Variants in ABCA13 observed in about 807,000 individuals in gnomAD.
The protein encoded by ABCA13 is ATP-binding cassette sub-family A member 13.
In ABCA13, 476 loss-of-function variants were observed where a neutral mutation model predicts 478.7. The ratio of observed to expected loss-of-function variants is 0.99; its 90% CI spans 0.92 to 1.07. The LOEUF is 1.07. Among genes scored for constraint, ABCA13 ranks in the 50% least tolerant of loss-of-function variants. The pLI is 0.00. For missense variants in ABCA13, 6,060 were observed against 5,910.6 expected, an observed-to-expected ratio of 1.03 and a Z score of -0.83; for synonymous variants, 2,252 against 2,158.9, an observed-to-expected ratio of 1.04 and a Z score of -1.20.
Position 48,594,828 on chromosome 7 carries a change from C to T in ABCA13, c.14744+15C>T, listed in dbSNP as rs757936090. On this transcript the variant is annotated intron_variant, in intron 58 of 61. Coordinates refer to ENST00000435803, the MANE Select transcript of ABCA13 (RefSeq NM_152701.5). Reference sequence around the variant, plus strand: ...ACCTCCCACAGGTGAGTTCCAGTTTCTCTTGTAGCCATTTCCTGATAAGAC... The same window carrying T: ...ACCTCCCACAGGTGAGTTCCAGTTTTTCTTGTAGCCATTTCCTGATAAGAC... 1.2e-6 allele frequency: 2 copies of T among 1,608,234 alleles called. No homozygotes were observed. Among genetic ancestry groups the T allele is most frequent in the East Asian group, 4.5e-5 (2 of 44,810 alleles).
At chr7:48,294,030 A>G (rs1798971126) in intron 20 of ABCA13, among the ~76,000 whole-genome samples, 1 of 152,120 alleles carries the variant, frequency 6.6e-6, no homozygotes, top group Non-Finnish European at 1.5e-5. Context: ...CTTTCTAATC[A>G]TTGTGTTTGT....
chr7:48,434,663 A>G (rs1822585930), intron 42 of ABCA13, among the ~76,000 whole-genome samples: 1 of 151,680 alleles, frequency 6.6e-6, no homozygotes, highest in African/African-American at 2.4e-5. Context: ...AAGGTCTTTG[A>G]TTTATTTTGA....
chr7:48,315,139 G>A (rs1319435853), intron 26 of ABCA13, among the ~76,000 whole-genome samples: 1 of 152,120 alleles, frequency 6.6e-6, no homozygotes, highest in Non-Finnish European at 1.5e-5. Flanking sequence ...GTAGCACCTG[G>A]CTCATAAGCT....
Position 48,514,373 on chromosome 7 carries a change from G to A in ABCA13, c.13641-2352G>A, listed in dbSNP as rs112588720. Among the ~76,000 whole-genome samples the A allele has an allele frequency of 6.6e-5, 10 of 152,284 alleles. 1 individual carries two copies. The highest frequency in any genetic ancestry group is 2.4e-4 in the African/African-American group (10 of 41,556). On this transcript the variant is annotated intron_variant, in intron 51 of 61. Transcript: ENST00000435803. ...AAAGACCCAGTCTTTTGTAGTGGAG[G>A]TTTAAGCAGAATAACATGGCTATCC...
rs779489739 is a variant in ABCA13, at chr7:48,309,968, G to C, written c.9343G>C (p.Val3115Leu). 9 of 1,613,750 alleles carry C rather than the reference G, an allele frequency of 5.6e-6. No individual in the cohort carries two copies. The highest frequency in any genetic ancestry group is 6.8e-6 in the Non-Finnish European group (8 of 1,179,792). Residue 3115 changes from valine (V) to leucine (L), a missense_variant, in exon 24 of 62, where the codon GTA (valine) becomes CTA (leucine). By Grantham distance (32) the Val-to-Leu change is conservative (BLOSUM62 1). Around this residue, in one of 3 missense-constraint regions of ABCA13, gnomAD observed 4,423 missense variants for 4,309.1 expected, o/e 1.03. Transcript: ENST00000435803. ...ACAGGTTCTCTTCAGTGCCCTCACC[G>C]TAGCTCTGTCTGGAAAGTGTGATCA... Reference protein sequence around the residue: ...HSKVLFSALTVALSGKCDQEI... With the variant: ...HSKVLFSALTLALSGKCDQEI...
chr7:48,300,130 A>G (rs1485733283), intron 23 of ABCA13, among the ~76,000 whole-genome samples: 1 of 152,224 alleles, frequency 6.6e-6, no homozygotes, highest in Non-Finnish European at 1.5e-5. Flanking sequence ...GGTTTTTAGC[A>G]GCACCATATT....
chr7:48,213,880 T>C (rs1786052414), intron 3 of ABCA13, among the ~76,000 whole-genome samples: 1 of 152,230 alleles, frequency 6.6e-6, no homozygotes. Flanking sequence ...TATTATGAGA[T>C]TGCAACAATT....
intron 37 of ABCA13, 41 bp downstream of exon 37, chr7:48,389,261 T>C: frequency 6.4e-7 from 1 of 1,564,324 alleles, no homozygotes; most frequent in Non-Finnish European, 8.7e-7. Flanking sequence ...GGGCATTTGA[T>C]TCTTAAAACT....
rs763472167 is a variant in ABCA13 at position 48,471,589 on chromosome 7, G to A, written c.12965G>A (p.Cys4322Tyr). 2 of 1,563,000 alleles carry A rather than the reference G, an allele frequency of 1.3e-6. No homozygotes were observed. Among genetic ancestry groups the A allele is most frequent in the South Asian group, 1.2e-5 (1 of 84,726 alleles). The change falls in exon 45 of 62, where the codon TGT becomes TAT. Residue 4322 changes from cysteine to tyrosine, a missense_variant. Cys to Tyr is a radical substitution (Grantham distance 194, BLOSUM62 -2). Coordinates refer to ENST00000435803, the MANE Select transcript of ABCA13 (RefSeq NM_152701.5). ...PFSHPEFQDS[C>Y]GCLKCPNRSA... ...TCTCACCCAGAATTCCAGGATTCAT[G>A]TGGCTGCCTGGTAGGTTTCTGCAGC...
intron 27 of ABCA13, among the ~76,000 whole-genome samples, chr7:48,327,432 G>T (rs1197844218): frequency 6.6e-6 from 1 of 152,114 alleles, no homozygotes; most frequent in Non-Finnish European, 1.5e-5. Flanking sequence ...GATGAGATTT[G>T]GGTGGGGATT....
At chr7:48,458,398 A>G (rs1299828046) in intron 43 of ABCA13, among the ~76,000 whole-genome samples, 1 of 152,216 alleles carries the variant, frequency 6.6e-6, no homozygotes, top group African/African-American at 2.4e-5. Context: ...GGGAAGGCAT[A>G]TAAGATTGCC....
At chr7:48,256,281 G>A (rs562525335) in intron 15 of ABCA13, among the ~76,000 whole-genome samples, 17 of 152,054 alleles carry the variant, frequency 1.1e-4, no homozygotes, top group Non-Finnish European at 2.9e-5. Flanking sequence ...CTTTTGCTGT[G>A]CAGAAGCTCT....
chr7:48,547,236 C>G (rs1309192338), intron 55 of ABCA13, among the ~76,000 whole-genome samples: 1 of 151,858 alleles, frequency 6.6e-6, no homozygotes, highest in Non-Finnish European at 1.5e-5. Context: ...AGAACTGCTG[C>G]ACAGTCTTCA....
intron 55 of ABCA13, among the ~76,000 whole-genome samples, chr7:48,569,183 A>G (rs1313918018): frequency 6.6e-6 from 1 of 151,510 alleles, no homozygotes; most frequent in Non-Finnish European, 1.5e-5. Context: ...AGTTTTTCTA[A>G]TTTCTTAATG....
chr7:48,261,759 G>C (rs1013102939), intron 15 of ABCA13, among the ~76,000 whole-genome samples: 11 of 151,676 alleles, frequency 7.3e-5, no homozygotes, highest in Middle Eastern at 3.4e-3. Flanking sequence ...GATTCCTACT[G>C]GTTTTTATTT....
chr7:48,610,726 G>T (rs908777102), intron 58 of ABCA13, among the ~76,000 whole-genome samples: 10 of 152,220 alleles, frequency 6.6e-5, no homozygotes, highest in Non-Finnish European at 1.5e-4. Context: ...GCATCCGCAG[G>T]CTTACTGCCA....
chr7:48,264,570 C>T, intron 15 of ABCA13, among the ~76,000 whole-genome samples: 1 of 151,764 alleles, frequency 6.6e-6, no homozygotes, highest in East Asian at 1.9e-4. Flanking sequence ...TCTATGTCAT[C>T]TGTATTTTTG....
chr7:48,427,058 A>G (rs1821522795), intron 41 of ABCA13, among the ~76,000 whole-genome samples: 1 of 152,068 alleles, frequency 6.6e-6, no homozygotes, highest in Admixed American at 6.5e-5. Context: ...TATTTTAGAG[A>G]TTCTCTTTCC....
rs373401108 is a variant in ABCA13, at chr7:48,274,194, G to T, written c.4528G>T (p.Asp1510Tyr). 76 of 1,612,302 alleles carry T rather than the reference G, an allele frequency of 4.7e-5. No homozygotes were observed. Among genetic ancestry groups the T allele is most frequent in the Non-Finnish European group, 5.9e-5 (69 of 1,179,040 alleles). Residue 1510 changes from aspartate to tyrosine, a missense_variant, in exon 17 of 62, where the codon GAC becomes TAC. By Grantham distance (160) the Asp-to-Tyr change is radical. This residue lies in a region of ABCA13 where 4,423 missense variants were observed against 4,309.1 expected (regional missense o/e 1.03). Transcript: ENST00000435803. The part of the protein sequence containing the change: ...VRMSINNLTT[D>Y]FDFASQSNWR... Reference sequence around the variant, plus strand: ...GATGAGTATCAACAACTTAACAACAGACTTTGATTTTGCATCTCAGTCCAA... The same window carrying T: ...GATGAGTATCAACAACTTAACAACATACTTTGATTTTGCATCTCAGTCCAA...
Sources: allele counts gnomAD v4.1 joint callset (sites outside exome capture counted in the v4.1 genomes callset), GRCh38; gene constraint gnomAD v4.1.1; regional missense constraint gnomAD v4.1.1; transcripts MANE v1.5; gene names NCBI Gene and HGNC (gene_info 2026-07-23, HGNC 2026-07-21).